The following ARHGAP5 variants were observed in gnomAD, a reference collection of about 807,000 sequenced individuals.
ARHGAP5 encodes the protein rho GTPase-activating protein 5.
ARHGAP5 carries 23 observed loss-of-function variants against 116.6 expected under a neutral mutation model. The ratio of observed to expected loss-of-function variants is 0.20; its 90% CI spans 0.14 to 0.28. The LOEUF is 0.28. ARHGAP5 is among the 10% of genes least tolerant of loss of function. ARHGAP5 has a pLI of 1.00. For missense variants in ARHGAP5, 1,405 were observed against 1,774.8 expected (o/e 0.79, Z 3.74); for synonymous variants, 574 against 602.0 (o/e 0.95, Z 0.68).
intron 3 of ARHGAP5, among the ~76,000 whole-genome samples, chr14:32,125,695 C>T (rs2139088753): frequency 6.6e-6 from 1 of 152,238 alleles, no homozygotes; most frequent in South Asian, 2.1e-4. Flanking sequence ...GATAAGGTTT[C>T]CTTTTAATCA....
At chr14:32,131,647 A>C (rs931928697) in intron 3 of ARHGAP5, among the ~76,000 whole-genome samples, 1 of 152,130 alleles carries the variant, frequency 6.6e-6, no homozygotes, top group South Asian at 2.1e-4. Context: ...GGTTTGTTAC[A>C]TATGTATACA....
At chr14:32,104,033 G>T (rs578011930) in intron 2 of ARHGAP5, among the ~76,000 whole-genome samples, 1 of 152,194 alleles carries the variant, frequency 6.6e-6, no homozygotes, top group African/African-American at 2.4e-5. Context: ...CAAGGTTTGG[G>T]TATTTTCCCT....
In ARHGAP5 at chr14:32,084,261, G is replaced by A. The variant is rs765038575; in HGVS notation, c.-168-6241G>A. Reference sequence around the variant, plus strand: ...AAGCAGAATTACCTTTGCTGCGTGGGTTTGCGGAGCTCCCAGAGTACTGCC... The same window carrying A: ...AAGCAGAATTACCTTTGCTGCGTGGATTTGCGGAGCTCCCAGAGTACTGCC... On this transcript the variant is annotated intron_variant, in intron 1 of 6. Coordinates refer to ENST00000345122, the MANE Select transcript of ARHGAP5 (RefSeq NM_001030055.2). 2.0e-5 allele frequency among the ~76,000 whole-genome samples: 3 copies of A among 152,128 alleles called. No individual in the cohort carries two copies. In the South Asian group the frequency reaches 6.2e-4, roughly 32 times the overall value.
chr14:32,152,335 C>T (rs985489317), intron 5 of ARHGAP5, 88 bp from the exon 6 acceptor site: 8 of 875,664 alleles, frequency 9.1e-6, no homozygotes, highest in Non-Finnish European at 1.4e-5. Context: ...ACATTCTTGA[C>T]TGTTATAGTA....
chr14:32,078,530 T>A (rs1234613904), intron 1 of ARHGAP5, among the ~76,000 whole-genome samples: 1 of 151,920 alleles, frequency 6.6e-6, no homozygotes, highest in Non-Finnish European at 1.5e-5. Flanking sequence ...GGAAACTGAA[T>A]TTTTTTTTAA....
rs1364316429 is a variant in ARHGAP5, at chr14:32,146,388, T to A, written c.3943+48T>A. 5 of 1,343,416 alleles carry A rather than the reference T, an allele frequency of 3.7e-6. No individual in the cohort carries two copies. The Admixed American group carries it at 8.6e-5, about 23-fold the overall frequency. The allele number at this position is 1,343,416 out of a possible 1,614,324, so 83.2% of individuals were successfully genotyped here. On this transcript the variant is annotated intron_variant, in intron 4 of 6. Coordinates refer to ENST00000345122, the MANE Select transcript of ARHGAP5 (RefSeq NM_001030055.2). Reference sequence around the variant, plus strand: ...TAAAAATTGTTGTTTTATGTTTTCCTTGTTAGAATTCATGGTGAGAAGATT... The same window carrying A: ...TAAAAATTGTTGTTTTATGTTTTCCATGTTAGAATTCATGGTGAGAAGATT...
Position 32,093,362 on chromosome 14 carries a change from A to C in ARHGAP5, c.2693A>C (p.Lys898Thr). 1 of 1,614,064 alleles carries C rather than the reference A, an allele frequency of 6.2e-7. No individual in the cohort carries two copies. Among genetic ancestry groups the C allele is most frequent in the Non-Finnish European group, 8.5e-7 (1 of 1,179,940 alleles). Residue 898 changes from lysine to threonine, a missense_variant, in exon 2 of 7, where the codon AAA (lysine) becomes ACA (threonine). This residue lies in a region of ARHGAP5 where 944 missense variants were observed against 1,095.3 expected (regional missense o/e 0.86). Transcript: ENST00000345122. ...QADFFENEAIKELMTEGEHIA... is the reference protein window; with the variant it reads ...QADFFENEAITELMTEGEHIA... ...GATTTTTTTGAAAATGAGGCTATCA[A>C]AGAGTTAATGACTGAAGGAGAACAC...
chr14:32,149,176 C>CTT (rs76852059), intron 4 of ARHGAP5, among the ~76,000 whole-genome samples: 1,677 of 143,840 alleles, frequency 0.012, 30 homozygotes, highest in African/African-American at 0.039. Context: ...CTTATGGCCT[C>CTT]TTTTTTTTTT....
chr14:32,137,500 A>G (rs954843977), intron 3 of ARHGAP5, among the ~76,000 whole-genome samples: 4 of 152,022 alleles, frequency 2.6e-5, no homozygotes, highest in Non-Finnish European at 5.9e-5. Flanking sequence ...ATCAGAAAGC[A>G]TAGAGTTCTT....
chr14:32,129,271 A>AT lies in ARHGAP5; in HGVS notation c.3865+11993dup, dbSNP rs999717438. ...GCTACTTGTAGTCCTTTCTGTTCCC[A>AT]TTTTTTTTTCAGTTATGCTAGAGTA... On this transcript the variant is annotated intron_variant, in intron 3 of 6. Transcript: ENST00000345122. 2.5e-4 allele frequency among the ~76,000 whole-genome samples: 38 copies of AT among 149,818 alleles called. 2 individuals are homozygous for AT. Among genetic ancestry groups the AT allele is most frequent in the South Asian group, 1.1e-3 (5 of 4,678 alleles).
chr14:32,126,796 G>A (rs75721766), intron 3 of ARHGAP5, among the ~76,000 whole-genome samples: 13 of 151,158 alleles, frequency 8.6e-5, no homozygotes, highest in East Asian at 3.9e-4. Context: ...TCTTTTTTTG[G>A]GGGGGGAGTA....
intron 3 of ARHGAP5, among the ~76,000 whole-genome samples, chr14:32,138,367 C>A (rs1444852265): frequency 6.6e-6 from 1 of 152,204 alleles, no homozygotes; most frequent in South Asian, 2.1e-4. Flanking sequence ...TCACTGCAAC[C>A]TCCACTCCTG....
chr14:32,090,400 AT>A, intron 1 of ARHGAP5, 101 bp from the exon 2 acceptor site: 1 of 428,200 alleles, frequency 2.3e-6, no homozygotes, highest in South Asian at 8.7e-5. Context: ...TACATGTATC[AT>A]TATTATTAAT....
chr14:32,124,711 A>T (rs1224963172), intron 3 of ARHGAP5, among the ~76,000 whole-genome samples: 3 of 152,210 alleles, frequency 2.0e-5, no homozygotes, highest in Non-Finnish European at 2.9e-5. Flanking sequence ...AAATCTTCCG[A>T]GGTGCCTGTG....
chr14:32,078,084 G>A (rs1273544502), intron 1 of ARHGAP5: 1 of 143,178 alleles, frequency 7.0e-6, no homozygotes, highest in African/African-American at 2.6e-5. Context: ...CTGGGTTGAG[G>A]CTTTGATACT....
chr14:32,113,089 C>G (rs1353131153), intron 2 of ARHGAP5, among the ~76,000 whole-genome samples: 6 of 152,144 alleles, frequency 3.9e-5, no homozygotes, highest in Non-Finnish European at 5.9e-5. Context: ...TTTCTAGTTA[C>G]ATAAATCATT....
rs1486112144 is a variant in ARHGAP5 at position 32,138,562 on chromosome 14, G to A, written c.3866-7701G>A. On this transcript the variant is annotated intron_variant, in intron 3 of 6. Coordinates refer to ENST00000345122, the MANE Select transcript of ARHGAP5 (RefSeq NM_001030055.2). ...GCCTCCCAAAGTGCTGGGATTACAG[G>A]CGTGAGCCACTGCGCCTGGCCAACT... 3.3e-5 allele frequency among the ~76,000 whole-genome samples: 5 copies of A among 152,234 alleles called. No homozygotes were observed. In the East Asian group the frequency reaches 9.6e-4, roughly 29 times the overall value.
In ARHGAP5 at chr14:32,109,842, A is replaced by G. The variant is rs1427288614; in HGVS notation, c.3718-7298A>G. Among the ~76,000 whole-genome samples, 5 of 152,122 alleles carry G rather than the reference A, an allele frequency of 3.3e-5. No individual in the cohort carries two copies. In the South Asian group the frequency reaches 1.0e-3, roughly 31 times the overall value. On this transcript the variant is annotated intron_variant, in intron 2 of 6. Transcript: ENST00000345122. ...ATGTTTCCCGTGAACATTCCTGTAG[A>G]TGAGTCTTCTGGCTTCCAGTTTTCC...
intron 3 of ARHGAP5, among the ~76,000 whole-genome samples, chr14:32,117,633 G>A (rs1308790920): frequency 2.0e-5 from 3 of 152,126 alleles, no homozygotes; most frequent in Non-Finnish European, 4.4e-5. Context: ...ATTTTTAAGT[G>A]CAATGCTGTT....
Sources: allele counts gnomAD v4.1 joint callset (sites outside exome capture counted in the v4.1 genomes callset), GRCh38; gene constraint gnomAD v4.1.1; regional missense constraint gnomAD v4.1.1; transcripts MANE v1.5; gene names NCBI Gene and HGNC (gene_info 2026-07-23, HGNC 2026-07-21).